AFF3: variants seen among roughly 807,000 people sequenced by gnomAD.
AFF3 encodes AF4/FMR2 family member 3.
A neutral mutation model predicts 129.7 loss-of-function variants in AFF3; 32 were observed. The ratio of observed to expected loss-of-function variants is 0.25; its 90% CI spans 0.19 to 0.33. AFF3 has a LOEUF of 0.33. AFF3 is among the 10% of genes least tolerant of loss of function. The probability of loss-of-function intolerance (pLI) is 1.00; values close to 1 mark genes in which losing one functional copy is unlikely to be tolerated. For synonymous variants in AFF3, 644 were observed against 635.4 expected (o/e 1.01, Z -0.20); for missense variants, 1,373 against 1,592.0 (o/e 0.86, Z 2.34).
intron 4 of AFF3, among the ~76,000 whole-genome samples, chr2:100,095,562 C>A (rs1054326935): frequency 1.3e-5 from 2 of 152,158 alleles, no homozygotes; most frequent in African/African-American, 4.8e-5. Flanking sequence ...CGTGAAAATT[C>A]ACCTTTCTTT....
At chr2:99,768,214 T>C (rs576607153) in intron 8 of AFF3, among the ~76,000 whole-genome samples, 1 of 152,292 alleles carries the variant, frequency 6.6e-6, no homozygotes, top group Non-Finnish European at 1.5e-5. Flanking sequence ...AAATAACATA[T>C]GCTTCTGGTT....
intron 4 of AFF3, among the ~76,000 whole-genome samples, chr2:100,079,152 T>A (rs916026290): frequency 6.6e-6 from 1 of 152,086 alleles, no homozygotes; most frequent in Admixed American, 6.5e-5. Flanking sequence ...TTCACCGTAT[T>A]AGCCAGGATG....
At chr2:100,011,076 C>T (rs1307193426) in intron 4 of AFF3, among the ~76,000 whole-genome samples, 1 of 152,124 alleles carries the variant, frequency 6.6e-6, no homozygotes, top group Non-Finnish European at 1.5e-5. Context: ...AGATCGAGGC[C>T]ATCCTGGCTA....
intron 7 of AFF3, among the ~76,000 whole-genome samples, chr2:99,854,244 T>C (rs1382990644): frequency 7.6e-6 from 1 of 132,444 alleles, no homozygotes. Context: ...ACACTATCTA[T>C]AGCAAAAAAA....
intron 24 of AFF3, 124 bp downstream of exon 24, chr2:99,554,187 A>G: frequency 9.8e-7 from 1 of 1,020,750 alleles, no homozygotes; most frequent in South Asian, 1.5e-5. Flanking sequence ...TGCCTGATAT[A>G]ATGTCAAATG....
intron 4 of AFF3, among the ~76,000 whole-genome samples, chr2:100,028,289 T>C (rs973589873): frequency 2.0e-5 from 3 of 152,166 alleles, no homozygotes; most frequent in African/African-American, 7.2e-5. Flanking sequence ...ACTTCGATAA[T>C]GTCCTCCTAG....
chr2:100,062,708 A>T (rs1286147969), intron 4 of AFF3, among the ~76,000 whole-genome samples: 1 of 152,212 alleles, frequency 6.6e-6, no homozygotes, highest in African/African-American at 2.4e-5. Flanking sequence ...CTCTGAGAAA[A>T]GCATCCTTGA....
intron 7 of AFF3, among the ~76,000 whole-genome samples, chr2:99,839,535 T>C (rs1472686721): frequency 6.6e-6 from 1 of 152,192 alleles, no homozygotes; most frequent in Non-Finnish European, 1.5e-5. Flanking sequence ...TATTTTACTC[T>C]ACTTTATAAT....
intron 4 of AFF3, among the ~76,000 whole-genome samples, chr2:100,081,901 T>C (rs1043696394): frequency 2.6e-5 from 4 of 152,206 alleles, no homozygotes; most frequent in Non-Finnish European, 5.9e-5. Flanking sequence ...TGGCCTCTGG[T>C]TGATCAACAG....
chr2:99,771,657 A>T (rs75729219), intron 8 of AFF3, among the ~76,000 whole-genome samples: 1 of 152,226 alleles, frequency 6.6e-6, no homozygotes, highest in Non-Finnish European at 1.5e-5. Context: ...GAGACAAAAG[A>T]ATAACATGGT....
At chr2:99,966,540 A>G (rs1677773310) in intron 7 of AFF3, among the ~76,000 whole-genome samples, 1 of 150,220 alleles carries the variant, frequency 6.7e-6, no homozygotes, top group African/African-American at 2.4e-5. Flanking sequence ...AATACAAAAA[A>G]TTAGCCGGGC....
chr2:100,030,884 G>A (rs1282296740), intron 4 of AFF3, among the ~76,000 whole-genome samples: 2 of 152,150 alleles, frequency 1.3e-5, no homozygotes, highest in East Asian at 3.9e-4. Flanking sequence ...TTAGGGCAGT[G>A]AAACTATTCT....
chr2:99,616,374 A>C (rs992794530), intron 13 of AFF3, among the ~76,000 whole-genome samples: 3 of 152,164 alleles, frequency 2.0e-5, no homozygotes, highest in Non-Finnish European at 4.4e-5. Context: ...TATTAAGATA[A>C]AATTTACATA....
intron 8 of AFF3, among the ~76,000 whole-genome samples, chr2:99,804,645 G>A (rs796464780): frequency 1.3e-5 from 2 of 152,244 alleles, no homozygotes; most frequent in African/African-American, 4.8e-5. Context: ...CATGTTTATC[G>A]CAGCACAATT....
intron 4 of AFF3, among the ~76,000 whole-genome samples, chr2:100,087,322 A>G (rs1227849583): frequency 1.1e-4 from 16 of 152,194 alleles, no homozygotes; most frequent in Admixed American, 9.8e-4. Context: ...ACATCTTATG[A>G]GCATATTCAC....
intron 7 of AFF3, among the ~76,000 whole-genome samples, chr2:99,838,002 T>G (rs1055680749): frequency 1.3e-5 from 2 of 152,192 alleles, no homozygotes; most frequent in African/African-American, 2.4e-5. Context: ...CTTGGTTTAC[T>G]GGTTTGATAG....
At chr2:100,034,328 T>C (rs1684743633) in intron 4 of AFF3, among the ~76,000 whole-genome samples, 1 of 152,098 alleles carries the variant, frequency 6.6e-6, no homozygotes, top group Admixed American at 6.5e-5. Context: ...AGTATTAACA[T>C]GCCTGTAAAC....
intron 16 of AFF3, among the ~76,000 whole-genome samples, chr2:99,586,375 T>G (rs1476132892): frequency 6.6e-6 from 1 of 152,192 alleles, no homozygotes; most frequent in African/African-American, 2.4e-5. Flanking sequence ...TCCAGTTCCC[T>G]CGCCAAGTTT....
intron 12 of AFF3, among the ~76,000 whole-genome samples, chr2:99,671,832 C>T (rs533962936): frequency 2.8e-4 from 42 of 152,142 alleles, no homozygotes; most frequent in African/African-American, 9.9e-4. Context: ...CTTTGAAATA[C>T]AAACATTTCT....
Sources: gnomAD v4.1 joint callset for allele counts (sites outside exome capture counted in the v4.1 genomes callset) on GRCh38, gnomAD v4.1.1 for gene constraint, MANE v1.5 for transcripts, NCBI Gene and HGNC (gene_info 2026-07-23, HGNC 2026-07-21) for gene names.